FLT3: variants seen among roughly 807,000 people sequenced by gnomAD.
The protein encoded by FLT3 is fms related receptor tyrosine kinase 3, also known as receptor-type tyrosine-protein kinase FLT3.
In FLT3, 46 loss-of-function variants were observed where a neutral mutation model predicts 126.6. The observed-to-expected ratio is 0.36, with a 90% CI of 0.29 to 0.46. The LOEUF is 0.46. Ranked by LOEUF, FLT3 falls within the 20% of genes least tolerant of loss-of-function variation. The pLI is 1.00. For missense variants in FLT3, 1,069 were observed against 1,190.3 expected, an observed-to-expected ratio of 0.90 and a Z score of 1.50; for synonymous variants, 404 against 434.4, an observed-to-expected ratio of 0.93 and a Z score of 0.87.
intron 21 of FLT3, 65 bp from the exon 22 acceptor site, chr13:28,015,321 A>C: frequency 9.3e-7 from 1 of 1,077,312 alleles, no homozygotes; most frequent in Non-Finnish European, 1.4e-6. Flanking sequence ...TGATTCATTC[A>C]ATTAAACACG....
At chr13:28,036,920 G>A (rs1239607880) in intron 10 of FLT3, among the ~76,000 whole-genome samples, 1 of 152,194 alleles carries the variant, frequency 6.6e-6, no homozygotes, top group East Asian at 1.9e-4. Context: ...AAGCTACAGG[G>A]ATCTATGATT....
rs35243277 is a variant in FLT3 at position 28,081,844 on chromosome 13, C to CTTTTTTTTTTTTTTTTTT, written c.44-11250_44-11233dup. ...TTACTTTGATTTTTTTACTTTGATTCTTTTTTTTTTTTTTTTTTTTTTTTT... is the reference window on the plus strand; with the variant it reads ...TTACTTTGATTTTTTTACTTTGATTCTTTTTTTTTTTTTTTTTTTTTTTTTTTTTTTTTTTTTTTTTTT... On this transcript the variant is annotated intron_variant, in intron 1 of 23. Coordinates refer to ENST00000241453, the MANE Select transcript of FLT3 (RefSeq NM_004119.3). 6.2e-5 allele frequency among the ~76,000 whole-genome samples: 4 copies of CTTTTTTTTTTTTTTTTTT among 64,976 alleles called. 1 individual carries two copies. The highest frequency in any genetic ancestry group is 2.1e-4 in the African/African-American group (3 of 14,388). The allele number at this position is 64,976 out of a possible 152,430, so 42.6% of individuals were successfully genotyped here.
chr13:28,065,831 GTAA>G (rs59880929), intron 2 of FLT3, among the ~76,000 whole-genome samples: 34 of 126,808 alleles, frequency 2.7e-4, no homozygotes, highest in East Asian at 7.6e-4. Flanking sequence ...TTGTCTCAAA[GTAA>G]TAATAATAAT....
In FLT3 at chr13:28,015,664, A is replaced by G. The variant is rs774360726; in HGVS notation, c.2579T>C (p.Leu860Pro). Residue 860 changes from leucine to proline, a missense_variant, in exon 21 of 24, where the codon CTG becomes CCG. Transcript: ENST00000241453. ...CTTAATGGTGTAGATGCCTTCAAAC[A>G]GGCTTTCGGGGGCCATCCATTTTAC... ...LPVKWMAPES[L>P]FEGIYTIKSD... 6.2e-7 allele frequency: 1 copy of G among 1,611,018 alleles called. No homozygotes were observed. The highest frequency in any genetic ancestry group is 8.5e-7 in the Non-Finnish European group (1 of 1,178,658).
At chr13:28,051,707 G>A (rs918556037) in intron 5 of FLT3, among the ~76,000 whole-genome samples, 2 of 151,758 alleles carry the variant, frequency 1.3e-5, no homozygotes, top group South Asian at 2.1e-4. Context: ...ACCACGCCCG[G>A]CTAATTTTTT....
rs1299772113 is a variant in FLT3 at position 28,008,265 on chromosome 13, G to C, written c.2860-4091C>G. Among the ~76,000 whole-genome samples, 4 of 67,790 alleles carry C rather than the reference G, an allele frequency of 5.9e-5. No individual in the cohort carries two copies. In the East Asian group the frequency reaches 2.1e-3, roughly 36 times the overall value. 44.5% of individuals were successfully genotyped at this position (67,790 alleles called of 152,430 possible). On this transcript the variant is annotated intron_variant, in intron 23 of 23. Transcript: ENST00000241453. ...AGGAATTTGAGGCTGCAATGAGCAA[G>C]AACCTGTCTCAAAAAAAAAAAAAAA... is the stretch of plus-strand genomic sequence containing the variant.
chr13:28,052,611 A>G lies in FLT3; in HGVS notation c.548T>C (p.Val183Ala). 6.2e-7 allele frequency: 1 copy of G among 1,613,606 alleles called. No homozygotes were observed. The highest frequency in any genetic ancestry group is 8.5e-7 in the Non-Finnish European group (1 of 1,179,568). ...CTCTGGAACGCTCTCAGATATGCAG[A>G]CCAGGGCGTCCTGGTTTTCCATTTT... Reference protein sequence around the residue: ...FRKMENQDALVCISESVPEPI... With the variant: ...FRKMENQDALACISESVPEPI... Residue 183 changes from valine to alanine, a missense_variant, in exon 5 of 24, where the codon GTC becomes GCC. Physicochemically the swap from Val to Ala is moderately conservative, Grantham distance 64. Transcript: ENST00000241453.
rs772468040 is a variant in FLT3 at position 28,057,413 on chromosome 13, C to G, written c.418G>C (p.Glu140Gln). ...TCACTCTGAATAAAAAGTAGGTATTCTCCAGCTTGGGTTTCTGTCATTTTC... is the reference window on the plus strand; with the variant it reads ...TCACTCTGAATAAAAAGTAGGTATTGTCCAGCTTGGGTTTCTGTCATTTTC... Reference protein sequence around the residue: ...ILKMTETQAGEYLLFIQSEAT... With the variant: ...ILKMTETQAGQYLLFIQSEAT... The change falls in exon 4 of 24, where the codon GAA (glutamate) becomes CAA (glutamine). Residue 140 changes from glutamate to glutamine, a missense_variant. Glu to Gln is a conservative substitution (Grantham distance 29, BLOSUM62 2). Transcript: ENST00000241453. 2.5e-6 allele frequency: 4 copies of G among 1,589,770 alleles called. No individual in the cohort carries two copies. The Admixed American group carries it at 5.0e-5, about 20-fold the overall frequency.
At position 28,060,684 on chromosome 13, in the gene FLT3, A is replaced by G. The variant is rs1876473205; in HGVS notation, c.368+1183T>C. Among the ~76,000 whole-genome samples the G allele has an allele frequency of 2.0e-5, 3 of 152,048 alleles. No homozygotes were observed. The South Asian group carries it at 6.2e-4, about 32-fold the overall frequency. On this transcript the variant is annotated intron_variant, in intron 3 of 23. Coordinates refer to ENST00000241453, the MANE Select transcript of FLT3 (RefSeq NM_004119.3). ...GCAGTGGCGTGACATCGGCTCACCG[A>G]ACATCCCCCTCTGGGCTTCAAGCTA...
intron 2 of FLT3, 24 bp from the exon 3 acceptor site, chr13:28,062,093 G>A (rs1296269812): frequency 2.5e-6 from 4 of 1,592,646 alleles, no homozygotes; most frequent in Non-Finnish European, 3.4e-6. Flanking sequence ...AGAACAAAGT[G>A]AATTCATGAA....
chr13:28,093,043 T>C (rs1879224546), intron 1 of FLT3, among the ~76,000 whole-genome samples: 1 of 149,066 alleles, frequency 6.7e-6, no homozygotes, highest in African/African-American at 2.5e-5. Context: ...TGCCTCAGCC[T>C]CCCTAGTAGC....
chr13:28,085,573 A>C (rs181009005), intron 1 of FLT3, among the ~76,000 whole-genome samples: 25 of 152,204 alleles, frequency 1.6e-4, no homozygotes, highest in Non-Finnish European at 2.8e-4. Context: ...TTCTCCTTGC[A>C]GTTCAGTCAG....
At chr13:28,026,961 T>C in intron 17 of FLT3, 127 bp downstream of exon 17, 1 of 753,266 alleles carries the variant, frequency 1.3e-6, no homozygotes, top group Admixed American at 2.3e-5. Flanking sequence ...ATTCAGGAAA[T>C]CTCTAGGTTG....
chr13:28,051,033 T>C (rs938599774), intron 5 of FLT3, among the ~76,000 whole-genome samples: 4 of 152,188 alleles, frequency 2.6e-5, no homozygotes, highest in African/African-American at 9.6e-5. Context: ...CCTATAAGTA[T>C]CTGTTGTCAT....
At chr13:28,028,404 A>C in intron 15 of FLT3, 116 bp from the exon 16 acceptor site, 1 of 633,250 alleles carries the variant, frequency 1.6e-6, no homozygotes, top group Non-Finnish European at 2.8e-6. Context: ...TAAATTCAAA[A>C]TTATGAGAGA....
chr13:28,051,298 G>A (rs557814976), intron 5 of FLT3, among the ~76,000 whole-genome samples: 1 of 151,792 alleles, frequency 6.6e-6, no homozygotes, highest in East Asian at 1.9e-4. Context: ...GTGCAATGGC[G>A]CGATCTCGGG....
At chr13:28,084,668 T>C (rs886160885) in intron 1 of FLT3, among the ~76,000 whole-genome samples, 1 of 152,176 alleles carries the variant, frequency 6.6e-6, no homozygotes, top group Non-Finnish European at 1.5e-5. Flanking sequence ...ATATACTTTG[T>C]ATGTATTGAA....
At chr13:28,047,043 C>T (rs9512998) in intron 9 of FLT3, among the ~76,000 whole-genome samples, 24,036 of 152,026 alleles carry the variant, frequency 0.16, 2,259 homozygotes, top group Middle Eastern at 0.26. Context: ...TGGTGGCTAC[C>T]GTACCGGACA....
chr13:28,072,537 C>G (rs73154877), intron 1 of FLT3, among the ~76,000 whole-genome samples: 1 of 151,864 alleles, frequency 6.6e-6, no homozygotes, highest in Non-Finnish European at 1.5e-5. Context: ...GCTGGGATCA[C>G]GGGTGTGCGC....
Sources: gnomAD v4.1 joint callset for allele counts (sites outside exome capture counted in the v4.1 genomes callset) on GRCh38, gnomAD v4.1.1 for gene constraint, MANE v1.5 for transcripts, NCBI Gene and HGNC (gene_info 2026-07-23, HGNC 2026-07-21) for gene names.